RNF17: variants seen among roughly 807,000 people sequenced by gnomAD.
RNF17 encodes spermatogenesis associated 23.
A neutral mutation model predicts 200.5 loss-of-function variants in RNF17; 31 were observed. The observed-to-expected ratio is 0.15, with a 90% CI of 0.12 to 0.21. RNF17 has a LOEUF of 0.21. Ranked by LOEUF, RNF17 falls within the 10% of genes least tolerant of loss-of-function variation. The probability of loss-of-function intolerance (pLI) is 1.00; values close to 1 mark genes in which losing one functional copy is unlikely to be tolerated. For synonymous variants in RNF17, 606 were observed against 637.8 expected (o/e 0.95, Z 0.75); for missense variants, 1,628 against 1,905.1 (o/e 0.85, Z 2.71).
At chr13:24,787,827 A>G (rs1883319153) in intron 6 of RNF17, among the ~76,000 whole-genome samples, 161 bp from the exon 7 acceptor site, 1 of 152,208 alleles carries the variant, frequency 6.6e-6, no homozygotes, top group Admixed American at 6.6e-5. Flanking sequence ...TCAACAAGTG[A>G]AAGTACCCTT....
chr13:24,757,198 C>T, the RNF17 span, among the ~76,000 whole-genome samples: 1 of 29,320 alleles, frequency 3.4e-5, no homozygotes, highest in South Asian at 1.8e-3. Flanking sequence ...AAAAGAGATA[C>T]AGAACAGTCC....
upstream of RNF17, among the ~76,000 whole-genome samples, chr13:24,763,250 T>G (rs1257100998): frequency 6.6e-6 from 1 of 151,278 alleles, no homozygotes; most frequent in Non-Finnish European, 1.5e-5. Context: ...TCGCCCAGAC[T>G]GGAGTGCAGT....
chr13:24,811,501 T>C (rs1050621086), intron 15 of RNF17, among the ~76,000 whole-genome samples: 14 of 152,290 alleles, frequency 9.2e-5, no homozygotes, highest in Admixed American at 8.5e-4. Flanking sequence ...ATCAGCTCCT[T>C]TAAGCACTTC....
chr13:24,884,867 C>G (rs944437889), downstream of RNF17, among the ~76,000 whole-genome samples: 1 of 152,180 alleles, frequency 6.6e-6, no homozygotes, highest in African/African-American at 2.4e-5. Context: ...GGAAAAAATT[C>G]CCTCATCACC....
chr13:24,764,175 G>A lies in RNF17; in HGVS notation c.-29G>A, dbSNP rs201829407. Reference sequence around the variant, plus strand: ...GCGAGGGCCGCCGGGACTCGCACTCGGCGGTTGTTCCAGAAGAAAGAGACA... The same window carrying A: ...GCGAGGGCCGCCGGGACTCGCACTCAGCGGTTGTTCCAGAAGAAAGAGACA... On this transcript the variant is annotated 5_prime_UTR_variant, in exon 1 of 36. Coordinates refer to ENST00000255324, the MANE Select transcript of RNF17 (RefSeq NM_031277.3). 3.2e-6 allele frequency: 5 copies of A among 1,565,264 alleles called. No homozygotes were observed. Among genetic ancestry groups the A allele is most frequent in the Non-Finnish European group, 4.4e-6 (5 of 1,144,724 alleles).
At chr13:24,849,942 C>T (rs1891683652) in intron 22 of RNF17, among the ~76,000 whole-genome samples, 3 of 152,056 alleles carry the variant, frequency 2.0e-5, no homozygotes. Context: ...GGGCACTATA[C>T]TAGTCATCAG....
intron 26 of RNF17, among the ~76,000 whole-genome samples, 190 bp from the exon 27 acceptor site, chr13:24,861,078 C>T (rs931993863): frequency 3.3e-5 from 5 of 151,952 alleles, no homozygotes; most frequent in Non-Finnish European, 5.9e-5. Flanking sequence ...GGGGTCTTGC[C>T]GTGTTCCCAA....
intron 29 of RNF17, 124 bp from the exon 30 acceptor site, chr13:24,866,020 G>T (rs1477616731): frequency 1.6e-6 from 1 of 631,684 alleles, no homozygotes; most frequent in East Asian, 2.9e-5. Flanking sequence ...TCCTGTAATT[G>T]ATCTGAAATA....
At chr13:24,784,294 C>A (rs754497711) in intron 6 of RNF17, among the ~76,000 whole-genome samples, 2 of 152,192 alleles carry the variant, frequency 1.3e-5, no homozygotes, top group Non-Finnish European at 2.9e-5. Flanking sequence ...GACTTTCTAT[C>A]AATAGTTATA....
chr13:24,853,771 T>C, intron 24 of RNF17, 84 bp from the exon 25 acceptor site: 4 of 1,004,954 alleles, frequency 4.0e-6, no homozygotes, highest in Non-Finnish European at 5.6e-6. Context: ...ATTTCATGTA[T>C]ATCTGAATGA....
intron 15 of RNF17, chr13:24,824,319 T>A (rs1348486104): frequency 6.2e-6 from 4 of 646,848 alleles, no homozygotes; most frequent in Non-Finnish European, 1.1e-5. Flanking sequence ...AATTTTTAAA[T>A]GTTCACTCTG....
intron 11 of RNF17, among the ~76,000 whole-genome samples, chr13:24,799,047 A>G (rs1204610403): frequency 1.3e-5 from 2 of 152,216 alleles, no homozygotes; most frequent in Non-Finnish European, 2.9e-5. Context: ...TTGTAAGTAC[A>G]GTGTAATTAT....
At chr13:24,875,740 G>A (rs542048482) in intron 33 of RNF17, among the ~76,000 whole-genome samples, 78 of 152,338 alleles carry the variant, frequency 5.1e-4, no homozygotes, top group African/African-American at 1.8e-3. Context: ...GGCGGAAGTG[G>A]TCCAGTCAAA....
chr13:24,836,380 C>CA (rs542275527), intron 18 of RNF17, among the ~76,000 whole-genome samples: 33 of 152,246 alleles, frequency 2.2e-4, no homozygotes, highest in African/African-American at 7.7e-4. Context: ...AAATTCATCG[C>CA]AAAAAGATCT....
At chr13:24,805,720 A>G (rs1885764772) in intron 15 of RNF17, among the ~76,000 whole-genome samples, 2 of 152,166 alleles carry the variant, frequency 1.3e-5, no homozygotes, top group Non-Finnish European at 2.9e-5. Flanking sequence ...TATAATACCT[A>G]GGAATGATTG....
At chr13:24,817,611 C>T (rs930628725) in intron 15 of RNF17, among the ~76,000 whole-genome samples, 8 of 151,272 alleles carry the variant, frequency 5.3e-5, no homozygotes, top group African/African-American at 1.7e-4. Flanking sequence ...CCCAGCTACT[C>T]GGGAGGCTGA....
chr13:24,794,714 T>C (rs1298567583), intron 10 of RNF17, among the ~76,000 whole-genome samples: 2 of 152,030 alleles, frequency 1.3e-5, no homozygotes, highest in Admixed American at 1.3e-4. Flanking sequence ...GGCAGAAATA[T>C]TCCCCCCAAT....
At chr13:24,850,860 T>C (rs1891808402) in intron 23 of RNF17, among the ~76,000 whole-genome samples, 1 of 152,248 alleles carries the variant, frequency 6.6e-6, no homozygotes, top group South Asian at 2.1e-4. Flanking sequence ...TGATGTTGTA[T>C]TCCTCACTTC....
At position 24,877,009 on chromosome 13, in the gene RNF17, T is replaced by A; in HGVS notation, c.4596T>A (p.Ile1532=). 1 of 1,593,982 alleles carries A rather than the reference T, an allele frequency of 6.3e-7. No homozygotes were observed. The highest frequency in any genetic ancestry group is 8.5e-7 in the Non-Finnish European group (1 of 1,174,024). ...TCTTTTGTGACAGACTGTGCCAAATTCCTTCTCATCTTATGCGGTATCCAG... is the reference window on the plus strand; with the variant it reads ...TCTTTTGTGACAGACTGTGCCAAATACCTTCTCATCTTATGCGGTATCCAG... ...AKLTLNRLCQ[I]PSHLMRYPAR... is the part of the protein sequence containing the mutation. Residue 1532 remains isoleucine, a synonymous_variant, in exon 34 of 36, where the codon ATT becomes ATA. Coordinates refer to ENST00000255324, the MANE Select transcript of RNF17 (RefSeq NM_031277.3).
Sources: gnomAD v4.1 joint callset for allele counts (sites outside exome capture counted in the v4.1 genomes callset) on GRCh38, gnomAD v4.1.1 for gene constraint, MANE v1.5 for transcripts, NCBI Gene and HGNC (gene_info 2026-07-23, HGNC 2026-07-21) for gene names.